SGCZ: variants seen among roughly 807,000 people sequenced by gnomAD.
The protein encoded by SGCZ is sarcoglycan zeta, also known as zeta-sarcoglycan.
Under a neutral mutation model 41.3 loss-of-function variants are expected in SGCZ, and 40 were observed. The observed-to-expected ratio is 0.97, with a 90% CI of 0.75 to 1.26. The LOEUF (loss-of-function observed/expected upper bound fraction) is 1.26. Among genes scored for constraint, SGCZ ranks in the 50% most tolerant of loss-of-function variants. SGCZ has a pLI of 0.00. For missense variants in SGCZ, 552 were observed against 369.8 expected (o/e 1.49, Z -4.04); for synonymous variants, 206 against 137.5 (o/e 1.50, Z -3.49).
intron 1 of SGCZ, among the ~76,000 whole-genome samples, chr8:15,196,790 A>G (rs1324802839): frequency 1.3e-5 from 2 of 152,128 alleles, no homozygotes; most frequent in Non-Finnish European, 2.9e-5. Flanking sequence ...TCATAATTCT[A>G]TGGGCTGCAG....
intron 2 of SGCZ, among the ~76,000 whole-genome samples, chr8:14,442,170 A>C (rs1800289916): frequency 6.6e-6 from 1 of 152,228 alleles, no homozygotes; most frequent in African/African-American, 2.4e-5. Context: ...GTCACTACCC[A>C]AATCTCAGAT....
chr8:14,778,688 C>A (rs375166400), intron 1 of SGCZ, among the ~76,000 whole-genome samples: 1 of 152,006 alleles, frequency 6.6e-6, no homozygotes, highest in African/African-American at 2.4e-5. Flanking sequence ...ATTTCAATGA[C>A]GAGGAAACCC....
intron 2 of SGCZ, among the ~76,000 whole-genome samples, chr8:14,476,850 G>C (rs1005453446): frequency 1.3e-5 from 2 of 152,116 alleles, no homozygotes; most frequent in African/African-American, 4.8e-5. Flanking sequence ...TAGACAATCA[G>C]TCCCCAACCT....
chr8:14,200,569 C>G (rs952088312), intron 4 of SGCZ, among the ~76,000 whole-genome samples: 20 of 152,078 alleles, frequency 1.3e-4, no homozygotes, highest in Non-Finnish European at 2.4e-4. Flanking sequence ...AAATGATTTT[C>G]TGATCACAGA....
At position 14,550,977 on chromosome 8, in the gene SGCZ, C is replaced by T. The variant is rs1052595301; in HGVS notation, c.234+3755G>A. Among the ~76,000 whole-genome samples the T allele has an allele frequency of 2.4e-4, 36 of 151,968 alleles. 2 individuals carry two copies. Among genetic ancestry groups the T allele is most frequent in the Admixed American group, 5.3e-4 (8 of 15,208 alleles). On this transcript the variant is annotated intron_variant, in intron 2 of 7. Coordinates refer to ENST00000382080, the MANE Select transcript of SGCZ (RefSeq NM_139167.4). ...CTTTCTTCCCAATGATCACGCAAGA[C>T]TTCTTTCCCCAATTTGTTTAATTAA...
chr8:14,917,527 T>C (rs1157931601), intron 1 of SGCZ, among the ~76,000 whole-genome samples: 1 of 152,106 alleles, frequency 6.6e-6, no homozygotes, highest in African/African-American at 2.4e-5. Flanking sequence ...TTATTTGAAT[T>C]TTCAGTTCTT....
intron 1 of SGCZ, among the ~76,000 whole-genome samples, chr8:14,862,620 A>ATG (rs1215184038): frequency 6.9e-6 from 1 of 145,432 alleles, no homozygotes; most frequent in East Asian, 2.0e-4. Flanking sequence ...ATATATATAT[A>ATG]TGTGTTGCAA....
Position 15,097,725 on chromosome 8 carries a change from TA to T in SGCZ, c.39+139859del, listed in dbSNP as rs764026112. Among the ~76,000 whole-genome samples the T allele has an allele frequency of 5.7e-3, 652 of 114,930 alleles. 9 individuals are homozygous for T. The highest frequency in any genetic ancestry group is 0.029 in the East Asian group (101 of 3,538). The allele number at this position is 114,930 out of a possible 152,430, so 75.4% of individuals were successfully genotyped here. On this transcript the variant is annotated intron_variant, in intron 1 of 7. Coordinates refer to ENST00000382080, the MANE Select transcript of SGCZ (RefSeq NM_139167.4). ...GTCTACGCGACAGAGTGAGAGCTTA[TA>T]AAAAAAAAAATATATATATATATAC...
chr8:14,980,851 C>T (rs928745423), intron 1 of SGCZ, among the ~76,000 whole-genome samples: 56 of 152,170 alleles, frequency 3.7e-4, no homozygotes, highest in African/African-American at 1.3e-3. Context: ...AATAATCTGT[C>T]TCTCTATCTA....
At chr8:14,134,857 C>CGGTT (rs1803149056) in intron 5 of SGCZ, among the ~76,000 whole-genome samples, 1 of 151,618 alleles carries the variant, frequency 6.6e-6, no homozygotes, top group Non-Finnish European at 1.5e-5. Flanking sequence ...ATGGTTTTTA[C>CGGTT]TGTTTGATAT....
intron 1 of SGCZ, among the ~76,000 whole-genome samples, chr8:15,184,773 G>C (rs1162198135): frequency 6.6e-6 from 1 of 152,078 alleles, no homozygotes; most frequent in Non-Finnish European, 1.5e-5. Flanking sequence ...TGGTAATATC[G>C]GGTGATGTTG....
chr8:14,655,168 C>A (rs1298435010), intron 1 of SGCZ, among the ~76,000 whole-genome samples: 1 of 151,980 alleles, frequency 6.6e-6, no homozygotes, highest in Non-Finnish European at 1.5e-5. Flanking sequence ...AAGAAAACTA[C>A]ATGATTTACA....
intron 1 of SGCZ, among the ~76,000 whole-genome samples, chr8:14,934,485 G>C (rs1372428530): frequency 6.6e-6 from 1 of 151,688 alleles, no homozygotes; most frequent in Non-Finnish European, 1.5e-5. Context: ...TTTTACAAAG[G>C]AGATTAGCCA....
intron 2 of SGCZ, among the ~76,000 whole-genome samples, chr8:14,388,885 T>G (rs570600432): frequency 6.6e-6 from 1 of 151,816 alleles, no homozygotes; most frequent in Non-Finnish European, 1.5e-5. Flanking sequence ...TTGAGGTTAT[T>G]TGAAAAACAA....
At chr8:14,437,258 C>A (rs972033489) in intron 2 of SGCZ, among the ~76,000 whole-genome samples, 1 of 151,948 alleles carries the variant, frequency 6.6e-6, no homozygotes, top group Admixed American at 6.6e-5. Flanking sequence ...GAAACCAATT[C>A]GAAAATATTT....
intron 1 of SGCZ, among the ~76,000 whole-genome samples, chr8:14,882,705 T>C (rs939685451): frequency 2.6e-5 from 4 of 152,160 alleles, no homozygotes; most frequent in East Asian, 1.9e-4. Flanking sequence ...CTGCTGCTAA[T>C]AGCAACACAA....
At chr8:14,201,653 C>A (rs74630526) in intron 4 of SGCZ, among the ~76,000 whole-genome samples, 2 of 152,064 alleles carry the variant, frequency 1.3e-5, no homozygotes, top group African/African-American at 4.8e-5. Flanking sequence ...GGTTTGACTA[C>A]CAAGGGGCAT....
intron 1 of SGCZ, among the ~76,000 whole-genome samples, chr8:14,842,783 C>A (rs1802970344): frequency 6.6e-6 from 1 of 152,146 alleles, no homozygotes; most frequent in Non-Finnish European, 1.5e-5. Flanking sequence ...AATGCACAGA[C>A]TAGATAAATG....
chr8:14,943,716 C>T (rs370618383), intron 1 of SGCZ, among the ~76,000 whole-genome samples: 3 of 152,028 alleles, frequency 2.0e-5, no homozygotes, highest in Non-Finnish European at 4.4e-5. Flanking sequence ...GTTTTTTAAT[C>T]CTCTCCCATC....
Sources: allele counts gnomAD v4.1 joint callset (sites outside exome capture counted in the v4.1 genomes callset), GRCh38; gene constraint gnomAD v4.1.1; transcripts MANE v1.5; gene names NCBI Gene and HGNC (gene_info 2026-07-23, HGNC 2026-07-21).